LDLRAD4: variants seen among roughly 807,000 people sequenced by gnomAD.
LDLRAD4 encodes low density lipoprotein receptor class A domain containing 4, also known as low-density lipoprotein receptor class A domain-containing protein 4.
Under a neutral mutation model 17.0 loss-of-function variants are expected in LDLRAD4, and 5 were observed. That is an observed-to-expected ratio of 0.29 (90% CI 0.15 to 0.62). LDLRAD4 has a LOEUF of 0.62. Among genes scored for constraint, LDLRAD4 ranks in the 20% least tolerant of loss-of-function variants. The pLI, the probability that LDLRAD4 is intolerant of heterozygous loss-of-function variation, is 0.84. For synonymous variants in LDLRAD4, 168 were observed against 171.8 expected, an observed-to-expected ratio of 0.98 and a Z score of 0.17; for missense variants, 340 against 424.7, an observed-to-expected ratio of 0.80 and a Z score of 1.75.
chr18:13,579,544 G>A (rs185617918), intron 3 of LDLRAD4, among the ~76,000 whole-genome samples: 4 of 152,294 alleles, frequency 2.6e-5, no homozygotes, highest in Admixed American at 6.5e-5. Context: ...TAGCTGAAGG[G>A]CATTATCTTG....
chr18:13,572,329 CCTT>C (rs1209599469), intron 3 of LDLRAD4, among the ~76,000 whole-genome samples: 3 of 152,214 alleles, frequency 2.0e-5, no homozygotes, highest in Non-Finnish European at 2.9e-5. Context: ...AGCCGGCTGT[CCTT>C]CTGTGATCAC....
chr18:13,264,959 A>G (rs1445677331), intron 1 of LDLRAD4, among the ~76,000 whole-genome samples: 3 of 152,200 alleles, frequency 2.0e-5, no homozygotes, highest in Non-Finnish European at 2.9e-5. Flanking sequence ...GTAAAATTAT[A>G]TAAGAGCTCT....
At chr18:13,392,514 C>T (rs2145330403) in intron 2 of LDLRAD4, among the ~76,000 whole-genome samples, 2 of 152,316 alleles carry the variant, frequency 1.3e-5, no homozygotes, top group South Asian at 4.2e-4. Context: ...AAGCAGGGAC[C>T]CTTCCGGGCT....
At chr18:13,323,523 C>T (rs953127705) in intron 1 of LDLRAD4, among the ~76,000 whole-genome samples, 33 of 152,132 alleles carry the variant, frequency 2.2e-4, no homozygotes, top group African/African-American at 7.2e-4. Flanking sequence ...TTGACAGGGC[C>T]GTGACTCAAG....
At chr18:13,541,735 G>A (rs1004236142) in intron 3 of LDLRAD4, among the ~76,000 whole-genome samples, 9 of 152,218 alleles carry the variant, frequency 5.9e-5, no homozygotes, top group Non-Finnish European at 4.4e-5. Flanking sequence ...CTGGTGTGAG[G>A]AGTTTAGCAC....
intron 2 of LDLRAD4, among the ~76,000 whole-genome samples, chr18:13,405,154 T>C (rs2087613564): frequency 6.6e-6 from 1 of 151,878 alleles, no homozygotes; most frequent in Non-Finnish European, 1.5e-5. Flanking sequence ...ATTAATATTA[T>C]TAGTTAGCAT....
chr18:13,608,889 G>T (rs1353617647), intron 3 of LDLRAD4, among the ~76,000 whole-genome samples: 2 of 152,220 alleles, frequency 1.3e-5, no homozygotes, highest in Non-Finnish European at 2.9e-5. Flanking sequence ...ACCTTGAAGA[G>T]ATATCGTTAG....
chr18:13,398,150 T>C lies in LDLRAD4; in HGVS notation c.40+10388T>C, dbSNP rs961962815. On this transcript the variant is annotated intron_variant, in intron 2 of 5. Coordinates refer to ENST00000359446, the Ensembl canonical transcript of LDLRAD4. This position sits in a 1 kb window ranked among gnomAD's most constrained non-coding sequence, Gnocchi z 4.8. ...CTGTGGCGTTTCCTTCAGAACCGAG[T>C]TGGGGCAGGAGGGGACGGAGGGAGA... Among the ~76,000 whole-genome samples the C allele has an allele frequency of 6.6e-6, 1 of 152,098 alleles. No homozygotes were observed. Among genetic ancestry groups the C allele is most frequent in the Admixed American group, 6.5e-5 (1 of 15,274 alleles).
chr18:13,371,114 C>T (rs1022746161), intron 1 of LDLRAD4, among the ~76,000 whole-genome samples: 9 of 152,186 alleles, frequency 5.9e-5, no homozygotes, highest in African/African-American at 1.9e-4. Context: ...ACCCGGGTGC[C>T]GGTGGGCAAT....
At chr18:13,633,453 C>T (rs1286944520) in intron 4 of LDLRAD4, among the ~76,000 whole-genome samples, 1 of 152,224 alleles carries the variant, frequency 6.6e-6, no homozygotes, top group African/African-American at 2.4e-5. Context: ...ACACGGTGCC[C>T]AGGCTGTTGG....
intron 1 of LDLRAD4, among the ~76,000 whole-genome samples, chr18:13,331,048 G>T (rs534405118): frequency 1.1e-4 from 17 of 152,280 alleles, no homozygotes; most frequent in African/African-American, 4.1e-4. Context: ...CCTAATAAAT[G>T]CTGTATAATA....
chr18:13,619,482 G>A (rs1568415379), intron 3 of LDLRAD4, among the ~76,000 whole-genome samples: 3 of 41,882 alleles, frequency 7.2e-5, no homozygotes, highest in Admixed American at 6.9e-4. Flanking sequence ...CCTGGGGAGC[G>A]TTTTTGTGTG....
chr18:13,527,112 GCAGGTT>G (rs1046114572), intron 3 of LDLRAD4, among the ~76,000 whole-genome samples: 6 of 152,256 alleles, frequency 3.9e-5, no homozygotes, highest in Non-Finnish European at 8.8e-5. Context: ...ATGTCCTGGT[GCAGGTT>G]CCCTGTAAGA....
exon 6 of LDLRAD4, chr18:13,646,630 C>CA (rs2043026560): frequency 6.6e-6 from 1 of 152,638 alleles, no homozygotes; most frequent in Non-Finnish European, 1.5e-5. Flanking sequence ...CTGCCCTCAT[C>CA]CTCCAGCAGT....
intron 2 of LDLRAD4, among the ~76,000 whole-genome samples, chr18:13,418,718 G>A (rs1188303513): frequency 6.6e-6 from 1 of 152,218 alleles, no homozygotes; most frequent in Non-Finnish European, 1.5e-5. Context: ...GGCACTGCTT[G>A]CAAGTTTGGT....
intron 3 of LDLRAD4, among the ~76,000 whole-genome samples, chr18:13,505,303 G>A (rs1317575707): frequency 2.6e-5 from 4 of 152,202 alleles, no homozygotes; most frequent in Non-Finnish European, 5.9e-5. Context: ...TAATGCTCAC[G>A]ACTCTCACTT....
At chr18:13,290,591 G>T (rs893886298) in intron 1 of LDLRAD4, among the ~76,000 whole-genome samples, 1 of 151,720 alleles carries the variant, frequency 6.6e-6, no homozygotes, top group Non-Finnish European at 1.5e-5. Context: ...TTTGTTTTAG[G>T]CATTTTTTGG....
chr18:13,395,262 C>T (rs781494449), intron 2 of LDLRAD4, among the ~76,000 whole-genome samples: 3 of 150,986 alleles, frequency 2.0e-5, no homozygotes, highest in African/African-American at 7.3e-5. Flanking sequence ...TGTTCTTCCC[C>T]GTCTTCTTTC....
At chr18:13,289,649 C>G (rs2045852064) in intron 1 of LDLRAD4, among the ~76,000 whole-genome samples, 1 of 152,166 alleles carries the variant, frequency 6.6e-6, no homozygotes, top group Non-Finnish European at 1.5e-5. Context: ...TGAGTCATTG[C>G]TAAAATTATG....
Sources: allele counts gnomAD v4.1 joint callset (sites outside exome capture counted in the v4.1 genomes callset), GRCh38; gene constraint gnomAD v4.1.1; non-coding constraint Gnocchi (gnomAD v3.1); transcripts MANE v1.5; gene names NCBI Gene and HGNC (gene_info 2026-07-23, HGNC 2026-07-21).